The following MAPK10 variants were observed in gnomAD, a reference collection of about 807,000 sequenced individuals.
The protein encoded by MAPK10 is mitogen-activated protein kinase 10.
MAPK10 carries 25 observed loss-of-function variants against 59.3 expected under a neutral mutation model. The observed-to-expected ratio is 0.42, with a 90% confidence interval of 0.31 to 0.59. The LOEUF is 0.59. MAPK10 is among the 20% of genes least tolerant of loss of function. The probability of loss-of-function intolerance (pLI) is 0.15; values close to 1 mark genes in which losing one functional copy is unlikely to be tolerated. For missense variants in MAPK10, 351 were observed against 568.9 expected, an observed-to-expected ratio of 0.62 and a Z score of 3.90; for synonymous variants, 190 against 200.5, an observed-to-expected ratio of 0.95 and a Z score of 0.44.
chr4:86,111,521 A>G (rs1456917120), intron 4 of MAPK10, among the ~76,000 whole-genome samples: 1 of 152,118 alleles, frequency 6.6e-6, no homozygotes, highest in Non-Finnish European at 1.5e-5. Flanking sequence ...TGATGTGATG[A>G]ACTTCATTTA....
intron 4 of MAPK10, among the ~76,000 whole-genome samples, chr4:86,121,291 C>CAACAA (rs1427486865): frequency 2.0e-5 from 3 of 152,142 alleles, no homozygotes; most frequent in Non-Finnish European, 1.5e-5. Context: ...GCTTGTTCCT[C>CAACAA]ATAGAAGGCA....
chr4:86,512,270 G>C (rs1049974512), intron 1 of MAPK10, among the ~76,000 whole-genome samples: 4 of 152,118 alleles, frequency 2.6e-5, no homozygotes, highest in African/African-American at 9.7e-5. Flanking sequence ...GTATTCTTAT[G>C]GCTGTATGGT....
intron 4 of MAPK10, among the ~76,000 whole-genome samples, chr4:86,136,559 A>G (rs1180691678): frequency 2.1e-4 from 31 of 150,760 alleles, no homozygotes; most frequent in Middle Eastern, 3.4e-3. Context: ...AGGAACAACC[A>G]GTACCAGCCA....
At position 86,017,462 on chromosome 4, in the gene MAPK10, G is replaced by C. The variant is rs960995007; in HGVS notation, c.1253-92C>G. 1 of 1,370,930 alleles carries C rather than the reference G, an allele frequency of 7.3e-7. No homozygotes were observed. Among genetic ancestry groups the C allele is most frequent in the Non-Finnish European group, 1.0e-6 (1 of 979,322 alleles). 84.9% of individuals were successfully genotyped at this position (1,370,930 alleles called of 1,614,324 possible). A position where few individuals can be genotyped will look rare whatever the true frequency, so the allele number is the denominator to read the frequency against. ...GATTCAGGGATGGGCAAATACAATA[G>C]GGGATGTCCAGTCCATCAATCATTT... On this transcript the variant is annotated intron_variant, in intron 13 of 13. Coordinates refer to ENST00000641462, the MANE Select transcript of MAPK10 (RefSeq NM_138982.4). The surrounding 1 kb of genome is among the most constrained non-coding windows in gnomAD (Gnocchi z 4.4).
intron 2 of MAPK10, among the ~76,000 whole-genome samples, chr4:86,244,011 T>C (rs2092921154): frequency 6.6e-6 from 1 of 152,092 alleles, no homozygotes; most frequent in African/African-American, 2.4e-5. Context: ...TGGCACACAA[T>C]AGCAACTCAA....
At chr4:86,366,021 A>G (rs1737826720) in intron 1 of MAPK10, among the ~76,000 whole-genome samples, 1 of 152,220 alleles carries the variant, frequency 6.6e-6, no homozygotes, top group Non-Finnish European at 1.5e-5. Flanking sequence ...TCTCCAATCA[A>G]GGAGATCTTC....
At chr4:86,583,582 A>T (rs1762455446) in intron 1 of MAPK10, among the ~76,000 whole-genome samples, 1 of 152,166 alleles carries the variant, frequency 6.6e-6, no homozygotes, top group African/African-American at 2.4e-5. Flanking sequence ...CAGTCCTGTT[A>T]TGACTTTAAG....
intron 1 of MAPK10, among the ~76,000 whole-genome samples, chr4:86,359,185 T>C (rs923073173): frequency 5.9e-5 from 9 of 151,900 alleles, no homozygotes; most frequent in African/African-American, 2.2e-4. Flanking sequence ...TAATGTTTTA[T>C]GGAACCCATC....
chr4:86,560,671 A>G (rs1323760090), intron 1 of MAPK10, among the ~76,000 whole-genome samples: 1 of 152,238 alleles, frequency 6.6e-6, no homozygotes, highest in Non-Finnish European at 1.5e-5. Context: ...CAATTCCCTT[A>G]TTTAAGTGAT....
intron 2 of MAPK10, among the ~76,000 whole-genome samples, chr4:86,203,542 A>T (rs1447372339): frequency 6.6e-6 from 1 of 151,554 alleles, no homozygotes; most frequent in Non-Finnish European, 1.5e-5. Context: ...TTATTTAAAA[A>T]AAAAGTTCCA....
chr4:86,135,565 G>C (rs2061863080), intron 4 of MAPK10, among the ~76,000 whole-genome samples: 1 of 152,114 alleles, frequency 6.6e-6, no homozygotes, highest in South Asian at 2.1e-4. Context: ...ACCAAAAGTA[G>C]ATAAAACCAC....
chr4:86,272,533 TCA>T (rs1390948455), intron 2 of MAPK10, among the ~76,000 whole-genome samples: 3 of 152,078 alleles, frequency 2.0e-5, no homozygotes, highest in Admixed American at 6.6e-5. Flanking sequence ...ACATTTATAC[TCA>T]GTTTTAAGTG....
intron 11 of MAPK10, among the ~76,000 whole-genome samples, chr4:86,048,368 C>G (rs1485002560): frequency 1.3e-5 from 2 of 152,078 alleles, no homozygotes; most frequent in Non-Finnish European, 2.9e-5. Flanking sequence ...TTCTGAGAAG[C>G]AGTAGCTTTT....
intron 2 of MAPK10, among the ~76,000 whole-genome samples, chr4:86,344,169 C>CT (rs1488557405): frequency 1.3e-5 from 2 of 152,194 alleles, no homozygotes; most frequent in African/African-American, 4.8e-5. Context: ...GGGTCTTGCT[C>CT]TGTCACCCAG....
At chr4:86,075,828 A>T (rs991004278) in intron 9 of MAPK10, among the ~76,000 whole-genome samples, 12 of 151,996 alleles carry the variant, frequency 7.9e-5, no homozygotes, top group African/African-American at 2.9e-4. Context: ...AAGTCTGCAG[A>T]GGTTACTGCT....
At chr4:86,034,678 T>G (rs879708579) in intron 11 of MAPK10, among the ~76,000 whole-genome samples, 2 of 151,206 alleles carry the variant, frequency 1.3e-5, no homozygotes, top group Admixed American at 1.3e-4. Flanking sequence ...AGATCATTAG[T>G]ATACAACATG....
intron 2 of MAPK10, chr4:86,336,239 T>C (rs1021014050): frequency 3.0e-5 from 2 of 66,860 alleles, no homozygotes; most frequent in Non-Finnish European, 7.5e-5. Flanking sequence ...CACAAAAATG[T>C]TTTAAATTGT....
intron 4 of MAPK10, among the ~76,000 whole-genome samples, chr4:86,135,001 G>A (rs758465629): frequency 3.3e-5 from 5 of 152,204 alleles, no homozygotes; most frequent in African/African-American, 7.2e-5. Context: ...GGCGCACCAC[G>A]AGATTATATC....
chr4:86,249,334 T>C (rs1055605286), intron 2 of MAPK10, among the ~76,000 whole-genome samples: 1 of 152,204 alleles, frequency 6.6e-6, no homozygotes, highest in Non-Finnish European at 1.5e-5. Context: ...GATTCTCCTG[T>C]GCAGATTCCT....
Sources: gnomAD v4.1 joint callset for allele counts (sites outside exome capture counted in the v4.1 genomes callset) on GRCh38, gnomAD v4.1.1 for gene constraint, Gnocchi (gnomAD v3.1) non-coding constraint, MANE v1.5 for transcripts, NCBI Gene and HGNC (gene_info 2026-07-23, HGNC 2026-07-21) for gene names.